The following ARMH4 variants were observed in gnomAD, a reference collection of about 807,000 sequenced individuals.
ARMH4 encodes the protein armadillo-like helical domain-containing protein 4.
ARMH4 carries 49 observed loss-of-function variants against 61.9 expected under a neutral mutation model. That is an observed-to-expected ratio of 0.79 (90% confidence interval 0.63 to 1.00). The LOEUF (loss-of-function observed/expected upper bound fraction) is 1.00, where lower values mean the gene tolerates loss of function less well. Among genes scored for constraint, ARMH4 ranks in the 50% least tolerant of loss-of-function variants. The pLI, the probability that ARMH4 is intolerant of heterozygous loss-of-function variation, is 0.00. For missense variants in ARMH4, 934 were observed against 930.0 expected, an observed-to-expected ratio of 1.00 and a Z score of -0.06; for synonymous variants, 368 against 341.5, an observed-to-expected ratio of 1.08 and a Z score of -0.85.
At chr14:58,041,600 A>T (rs924326855) in intron 5 of ARMH4, among the ~76,000 whole-genome samples, 1 of 152,144 alleles carries the variant, frequency 6.6e-6, no homozygotes, top group Non-Finnish European at 1.5e-5. Flanking sequence ...AACAATATTA[A>T]CCTTAAATGT....
chr14:58,137,314 G>A (rs1887335287), intron 2 of ARMH4, among the ~76,000 whole-genome samples: 1 of 152,262 alleles, frequency 6.6e-6, no homozygotes, highest in South Asian at 2.1e-4. Flanking sequence ...AATGTCCCCT[G>A]GGGGAAGGGG....
chr14:58,064,691 G>A (rs563381735), intron 5 of ARMH4, among the ~76,000 whole-genome samples: 13 of 152,256 alleles, frequency 8.5e-5, no homozygotes, highest in African/African-American at 2.6e-4. Flanking sequence ...GTGATATTGT[G>A]CTAGGTGCCA....
At chr14:58,115,145 G>A (rs1253681472) in intron 4 of ARMH4, among the ~76,000 whole-genome samples, 1 of 151,772 alleles carries the variant, frequency 6.6e-6, no homozygotes, top group East Asian at 1.9e-4. Context: ...TATCAAGGGG[G>A]TAAACAGACA....
intron 5 of ARMH4, among the ~76,000 whole-genome samples, chr14:58,092,458 T>C (rs886531164): frequency 6.6e-6 from 1 of 152,224 alleles, no homozygotes; most frequent in African/African-American, 2.4e-5. Flanking sequence ...TCTGAATCCA[T>C]TCCCTATGGC....
chr14:58,002,241 T>C lies in ARMH4; in HGVS notation c.*2495A>G, dbSNP rs17094167. The C allele has an allele frequency of 0.17, 25,866 of 152,076 alleles. 2,347 individuals are homozygous for C. Among genetic ancestry groups the C allele is most frequent in the African/African-American group, 0.23 (9,627 of 41,452 alleles). 9.4% of individuals were successfully genotyped at this position (152,076 alleles called of 1,614,324 possible). On this transcript the variant is annotated 3_prime_UTR_variant, in exon 8 of 8. Coordinates refer to ENST00000267485, the MANE Select transcript of ARMH4 (RefSeq NM_001001872.4). ...TAAGCCAACCACTGAAAATCATTAT[T>C]CCACAGCCACCAGCAGCAAGGAAAA...
intron 5 of ARMH4, 47 bp downstream of exon 5, chr14:58,096,677 A>C (rs956957069): frequency 6.3e-7 from 1 of 1,575,924 alleles, no homozygotes; most frequent in African/African-American, 1.4e-5. Flanking sequence ...TGAGAAATAT[A>C]AAAGGAGGGG....
At chr14:58,039,051 T>G (rs1278735760) in intron 5 of ARMH4, among the ~76,000 whole-genome samples, 2 of 152,226 alleles carry the variant, frequency 1.3e-5, no homozygotes, top group African/African-American at 4.8e-5. Context: ...TCCCCTGGAC[T>G]GCTCCCAGGC....
chr14:58,036,709 GA>G (rs1220231701), intron 5 of ARMH4, among the ~76,000 whole-genome samples: 1 of 121,982 alleles, frequency 8.2e-6, no homozygotes, highest in Non-Finnish European at 1.8e-5. Context: ...AAAGTCTCAG[GA>G]TACAAAATCA....
At chr14:58,046,722 G>C (rs796657625) in intron 5 of ARMH4, among the ~76,000 whole-genome samples, 19 of 152,248 alleles carry the variant, frequency 1.2e-4, no homozygotes, top group African/African-American at 4.6e-4. Flanking sequence ...TCATATACTG[G>C]CATTTGGGAA....
rs936725271 is a variant in ARMH4 at position 58,145,036 on chromosome 14, C to G, written c.-56-5622G>C. 7.9e-5 allele frequency among the ~76,000 whole-genome samples: 12 copies of G among 152,170 alleles called. 1 individual carries two copies. Among genetic ancestry groups the G allele is most frequent in the African/African-American group, 2.7e-4 (11 of 41,440 alleles). ...CTCTGTGGTTCATTTCTGATCTGTTCAGATAGCTGCCCCTTCCTAAACAAA... is the reference window on the plus strand; with the variant it reads ...CTCTGTGGTTCATTTCTGATCTGTTGAGATAGCTGCCCCTTCCTAAACAAA... On this transcript the variant is annotated intron_variant, in intron 1 of 7. Coordinates refer to ENST00000267485, the MANE Select transcript of ARMH4 (RefSeq NM_001001872.4).
chr14:58,148,171 C>G (rs146485350), intron 1 of ARMH4, among the ~76,000 whole-genome samples: 4 of 152,112 alleles, frequency 2.6e-5, no homozygotes, highest in African/African-American at 9.7e-5. Context: ...CTCAGCCTCC[C>G]GAGTAGCTAG....
Position 58,004,821 on chromosome 14 carries a change from G to C in ARMH4, c.2257-17C>G. The C allele has an allele frequency of 6.2e-7, 1 of 1,604,172 alleles. No homozygotes were observed. Among genetic ancestry groups the C allele is most frequent in the Non-Finnish European group, 8.5e-7 (1 of 1,171,812 alleles). ...TTCTCTCTGCTAGAGAAAGAAAACA[G>C]AAAAGCATTAAACTCTTTCTGCCAC... is the stretch of plus-strand genomic sequence containing the variant. On this transcript the variant is annotated splice_polypyrimidine_tract_variant and intron_variant, in intron 7 of 7. Transcript: ENST00000267485.
chr14:58,048,541 G>A (rs886067002), intron 5 of ARMH4, among the ~76,000 whole-genome samples: 3 of 152,176 alleles, frequency 2.0e-5, no homozygotes, highest in African/African-American at 7.2e-5. Context: ...ATTGCTGAGC[G>A]TTCACCTTGG....
chr14:58,028,790 G>A (rs1051156859), intron 5 of ARMH4, among the ~76,000 whole-genome samples: 1 of 152,106 alleles, frequency 6.6e-6, no homozygotes, highest in South Asian at 2.1e-4. Flanking sequence ...TTGTTGTAAC[G>A]TATCCAGCAC....
chr14:58,030,382 C>G (rs1213363993), intron 5 of ARMH4, among the ~76,000 whole-genome samples: 1 of 152,168 alleles, frequency 6.6e-6, no homozygotes, highest in Non-Finnish European at 1.5e-5. Context: ...GTAAAATGTA[C>G]AGAGTCAACC....
intron 5 of ARMH4, among the ~76,000 whole-genome samples, chr14:58,055,628 A>AATCATCTG (rs1203874457): frequency 3.3e-5 from 5 of 152,196 alleles, no homozygotes; most frequent in Non-Finnish European, 7.3e-5. Flanking sequence ...AGCATCAGGG[A>AATCATCTG]ATCATCTGGG....
At position 58,136,051 on chromosome 14, in the gene ARMH4, G is replaced by A. The variant is rs770451549; in HGVS notation, c.1369+1939C>T. Among the ~76,000 whole-genome samples, 6 of 152,018 alleles carry A rather than the reference G, an allele frequency of 3.9e-5. 1 individual carries two copies. The highest frequency in any genetic ancestry group is 8.8e-5 in the Non-Finnish European group (6 of 67,990). On this transcript the variant is annotated intron_variant, in intron 2 of 7. Coordinates refer to ENST00000267485, the MANE Select transcript of ARMH4 (RefSeq NM_001001872.4). ...TTTGGGTAAGGTAGGCAATCACATT[G>A]GATAACTCCAGTCTGAATGGTTCTA... is the stretch of plus-strand genomic sequence containing the variant.
At chr14:58,011,899 G>A (rs1250226735) in intron 6 of ARMH4, among the ~76,000 whole-genome samples, 1 of 152,104 alleles carries the variant, frequency 6.6e-6, no homozygotes, top group Admixed American at 6.5e-5. Context: ...TTTTATAAGA[G>A]TGAATGGTGC....
chr14:58,071,285 C>A (rs370193736), intron 5 of ARMH4, among the ~76,000 whole-genome samples: 2 of 151,804 alleles, frequency 1.3e-5, no homozygotes, highest in African/African-American at 4.8e-5. Context: ...TCAATACATA[C>A]AATTTTTTTG....
Sources: allele counts gnomAD v4.1 joint callset (sites outside exome capture counted in the v4.1 genomes callset), GRCh38; gene constraint gnomAD v4.1.1; transcripts MANE v1.5; gene names NCBI Gene and HGNC (gene_info 2026-07-23, HGNC 2026-07-21).